Variants in NID2 observed in about 807,000 individuals in gnomAD.
NID2 encodes the protein nidogen-2.
Under a neutral mutation model 145.4 loss-of-function variants are expected in NID2, and 83 were observed. That is an observed-to-expected ratio of 0.57 (90% CI 0.48 to 0.69). The LOEUF is 0.69. Ranked by LOEUF, NID2 falls within the 30% of genes least tolerant of loss-of-function variation. NID2 has a pLI of 0.00. For synonymous variants in NID2, 739 were observed against 701.3 expected, an observed-to-expected ratio of 1.05 and a Z score of -0.85; for missense variants, 1,807 against 1,765.7, an observed-to-expected ratio of 1.02 and a Z score of -0.42.
At chr14:52,011,807 A>T in intron 16 of NID2, 124 bp from the exon 17 acceptor site, 1 of 1,177,304 alleles carries the variant, frequency 8.5e-7, no homozygotes, top group Non-Finnish European at 1.2e-6. Flanking sequence ...CAGGCAACAG[A>T]GCAGAGTAGC....
chr14:52,030,673 G>T (rs1891827773), intron 9 of NID2, among the ~76,000 whole-genome samples: 1 of 151,288 alleles, frequency 6.6e-6, no homozygotes, highest in African/African-American at 2.4e-5. Flanking sequence ...AAAAAGAAAA[G>T]AAAGAAAAGG....
At chr14:52,009,325 G>C (rs1890919354) in intron 18 of NID2, 1 of 152,166 alleles carries the variant, frequency 6.6e-6, no homozygotes, top group African/African-American at 2.4e-5. Flanking sequence ...TCTGAAACAA[G>C]CTCACACAGA....
chr14:52,034,400 T>G (rs551505211), intron 9 of NID2, among the ~76,000 whole-genome samples: 1 of 152,166 alleles, frequency 6.6e-6, no homozygotes, highest in East Asian at 1.9e-4. Flanking sequence ...TTCTCCCCAG[T>G]AGGTTTAAAT....
At chr14:52,017,854 C>T (rs1201093602) in intron 14 of NID2, among the ~76,000 whole-genome samples, 3 of 152,116 alleles carry the variant, frequency 2.0e-5, no homozygotes, top group Admixed American at 1.3e-4. Context: ...GAGTCTCACT[C>T]TGTTGCCAGG....
rs1405898436 is a variant in NID2 at position 52,068,022 on chromosome 14, A to G, written c.370T>C (p.Tyr124His). 3 of 1,613,896 alleles carry G rather than the reference A, an allele frequency of 1.9e-6. No individual in the cohort carries two copies. Among genetic ancestry groups the G allele is most frequent in the Non-Finnish European group, 2.5e-6 (3 of 1,179,884 alleles). ...ACTGCGGGGGAGGTGTCCTCTCGGT[A>G]CAGGACTCGGCCTCTGCCGTGGCTC... is the stretch of plus-strand genomic sequence containing the variant. ...DTSHGRGRVL[Y>H]REDTSPAVLG... Residue 124 changes from tyrosine (Y) to histidine (H), a missense_variant, in exon 2 of 22, where the codon TAC becomes CAC. By Grantham distance (83) the Tyr-to-His change is moderately conservative. Transcript: ENST00000216286.
At position 52,042,225 on chromosome 14, in the gene NID2, T is replaced by G; in HGVS notation, c.1705A>C (p.Ile569Leu). The G allele has an allele frequency of 2.5e-6, 4 of 1,614,210 alleles. No homozygotes were observed. The highest frequency in any genetic ancestry group is 3.4e-6 in the Non-Finnish European group (4 of 1,180,040). The change falls in exon 7 of 22, where the codon ATC becomes CTC. Residue 569 changes from isoleucine to leucine, a missense_variant. Ile to Leu is a conservative substitution (Grantham distance 5). Transcript: ENST00000216286. ...GCTGCTGGCTGTGGGATGTGGCTGA[T>G]GGCCGTGTAGGCTCTGCCATCATTG... The part of the protein sequence containing the change: ...VGNDGRAYTA[I>L]SHIPQPAAQA...
In NID2 at chr14:52,010,895, C is replaced by T. The variant is rs116855254; in HGVS notation, c.3703G>A (p.Ala1235Thr). The T allele has an allele frequency of 9.3e-4, 1,502 of 1,613,196 alleles. 3 individuals are homozygous for T. Among genetic ancestry groups the T allele is most frequent in the Non-Finnish European group, 1.1e-3 (1,298 of 1,179,838 alleles). ...YTDLVNPRAI[A>T]VDPIRGNLYW... ...GCTGACCCTCGGATTGGATCCACAG[C>T]GATGGCACGGGGATTCACCAGATCT... Residue 1235 changes from alanine (A) to threonine (T), a missense_variant, in exon 18 of 22, where the codon GCT (alanine) becomes ACT (threonine). By Grantham distance (58) the Ala-to-Thr change is moderately conservative. Transcript: ENST00000216286.
intron 12 of NID2, among the ~76,000 whole-genome samples, chr14:52,025,184 A>G (rs1043943099): frequency 2.6e-5 from 4 of 152,358 alleles, no homozygotes; most frequent in Middle Eastern, 6.8e-3. Flanking sequence ...GAAAAGCATC[A>G]TTCCCACTGT....
In NID2 at chr14:52,010,981, A is replaced by G. The variant is rs531600048; in HGVS notation, c.3617T>C (p.Val1206Ala). The G allele has an allele frequency of 1.9e-6, 3 of 1,614,180 alleles. No homozygotes were observed. The highest frequency in any genetic ancestry group is 3.3e-5 in the Admixed American group (2 of 60,026). The change falls in exon 18 of 22, where the codon GTC becomes GCC. Residue 1206 changes from valine to alanine, a missense_variant. Physicochemically the swap from Val to Ala is moderately conservative, Grantham distance 64. Coordinates refer to ENST00000216286, the MANE Select transcript of NID2 (RefSeq NM_007361.4). ...CAGGGCGCTCTCTATCTTATCCAGG[A>G]CACTGTCCGTCCAGTACATTGTTCT... ...IRRTMYWTDS[V>A]LDKIESALLD...
chr14:52,020,668 C>T (rs1364074830), intron 12 of NID2, among the ~76,000 whole-genome samples: 1 of 152,098 alleles, frequency 6.6e-6, no homozygotes, highest in Non-Finnish European at 1.5e-5. Context: ...TATTTTTCAG[C>T]TAAGAAGCAC....
intron 9 of NID2, among the ~76,000 whole-genome samples, chr14:52,036,168 C>T (rs548350249): frequency 1.1e-4 from 16 of 152,244 alleles, no homozygotes; most frequent in Non-Finnish European, 1.8e-4. Flanking sequence ...CTATTAACGC[C>T]CTATGCTCTC....
At chr14:52,042,474 C>T (rs1165922475) in intron 6 of NID2, 124 bp from the exon 7 acceptor site, 1 of 1,222,268 alleles carries the variant, frequency 8.2e-7, no homozygotes, top group East Asian at 2.4e-5. Flanking sequence ...TTAATGATTT[C>T]CTAACCAACC....
chr14:52,038,491 C>T (rs1595033887), intron 9 of NID2, among the ~76,000 whole-genome samples: 1 of 152,160 alleles, frequency 6.6e-6, no homozygotes, highest in African/African-American at 2.4e-5. Flanking sequence ...GATTGGCACG[C>T]ACAGTTGGGT....
In NID2 at chr14:52,053,696, C is replaced by T; in HGVS notation, c.1312G>A (p.Ala438Thr). ...AGAACAATTTCTTCTTCAGGATGAG[C>T]TGGGGGAACATCCATTTCCGAAGGC... is the stretch of plus-strand genomic sequence containing the variant. ...PVPSEMDVPP[A>T]HPEEEIVLRS... Residue 438 changes from alanine to threonine, a missense_variant, in exon 5 of 22, where the codon GCT (alanine) becomes ACT (threonine). Coordinates refer to ENST00000216286, the MANE Select transcript of NID2 (RefSeq NM_007361.4). 6.2e-7 allele frequency: 1 copy of T among 1,614,208 alleles called. No homozygotes were observed. The highest frequency in any genetic ancestry group is 8.5e-7 in the Non-Finnish European group (1 of 1,180,036).
At chr14:52,063,405 C>T (rs1174547623) in intron 2 of NID2, among the ~76,000 whole-genome samples, 1 of 152,188 alleles carries the variant, frequency 6.6e-6, no homozygotes, top group Non-Finnish European at 1.5e-5. Flanking sequence ...AAAGCCAGAG[C>T]CCTCTGCAGA....
chr14:52,009,952 AC>A (rs955747505), intron 18 of NID2: 1 of 152,106 alleles, frequency 6.6e-6, no homozygotes, highest in Non-Finnish European at 1.5e-5. Flanking sequence ...GTGCCACTGC[AC>A]CCCAGCCTCG....
chr14:52,026,178 G>A (rs766081222), intron 12 of NID2, among the ~76,000 whole-genome samples: 5 of 152,232 alleles, frequency 3.3e-5, no homozygotes, highest in African/African-American at 4.8e-5. Context: ...AAACCAAAGG[G>A]GAAAAAGGAA....
At chr14:52,062,357 T>A (rs1893043136) in intron 2 of NID2, among the ~76,000 whole-genome samples, 1 of 152,232 alleles carries the variant, frequency 6.6e-6, no homozygotes, top group Non-Finnish European at 1.5e-5. Context: ...TCAGCAAAGC[T>A]TGACTTTTCC....
chr14:52,013,522 C>G (rs1891106518), intron 16 of NID2, among the ~76,000 whole-genome samples: 1 of 152,192 alleles, frequency 6.6e-6, no homozygotes, highest in African/African-American at 2.4e-5. Context: ...ACTATTCTTT[C>G]TCAGGGATGA....
Sources: allele counts gnomAD v4.1 joint callset (sites outside exome capture counted in the v4.1 genomes callset), GRCh38; gene constraint gnomAD v4.1.1; transcripts MANE v1.5; gene names NCBI Gene and HGNC (gene_info 2026-07-23, HGNC 2026-07-21).